Variants in ADGRL3 observed in about 807,000 individuals in gnomAD.
The protein encoded by ADGRL3 is calcium-independent alpha-latrotoxin receptor 3.
Under a neutral mutation model 153.5 loss-of-function variants are expected in ADGRL3, and 62 were observed. That is an observed-to-expected ratio of 0.40 (90% CI 0.33 to 0.50). The LOEUF (loss-of-function observed/expected upper bound fraction) is 0.50. ADGRL3 is among the 20% of genes least tolerant of loss of function. The pLI is 0.47. For missense variants in ADGRL3, 1,641 were observed against 1,859.4 expected, an observed-to-expected ratio of 0.88 and a Z score of 2.16; for synonymous variants, 710 against 672.5, an observed-to-expected ratio of 1.06 and a Z score of -0.86.
intron 6 of ADGRL3, among the ~76,000 whole-genome samples, chr4:61,721,306 C>T (rs2096240424): frequency 6.6e-6 from 1 of 152,144 alleles, no homozygotes; most frequent in South Asian, 2.1e-4. Flanking sequence ...GGGAAGCTGA[C>T]AGTGTAGCCT....
chr4:61,511,408 T>G (rs1036799735), intron 3 of ADGRL3, among the ~76,000 whole-genome samples: 1 of 152,182 alleles, frequency 6.6e-6, no homozygotes, highest in East Asian at 1.9e-4. Context: ...TTTTGTATGC[T>G]GATTGTATAC....
At position 62,077,655 on chromosome 4, in the gene ADGRL3, T is replaced by C. The variant is rs1747575917; in HGVS notation, c.*6747T>C. ...CTAATTAGTGCCTAGTCCTCTGGAGTATTTTTTAATGCCCTGAATTTCAAG... is the reference window on the plus strand; with the variant it reads ...CTAATTAGTGCCTAGTCCTCTGGAGCATTTTTTAATGCCCTGAATTTCAAG... On this transcript the variant is annotated 3_prime_UTR_variant, in exon 27 of 27. Transcript: ENST00000683033. 6.6e-6 allele frequency: 1 copy of C among 151,872 alleles called. No individual in the cohort carries two copies. The highest frequency in any genetic ancestry group is 1.5e-5 in the Non-Finnish European group (1 of 67,862). 9.4% of individuals were successfully genotyped at this position (151,872 alleles called of 1,614,324 possible).
intron 5 of ADGRL3, among the ~76,000 whole-genome samples, chr4:61,602,727 A>C (rs1000414530): frequency 6.6e-6 from 1 of 152,142 alleles, no homozygotes; most frequent in Non-Finnish European, 1.5e-5. Flanking sequence ...AATCAAAACT[A>C]TCCATCCCTT....
Position 62,073,263 on chromosome 4 carries a change from C to T in ADGRL3, c.*2355C>T, listed in dbSNP as rs1190057026. The T allele has an allele frequency of 6.6e-6, 1 of 152,078 alleles. No homozygotes were observed. Among genetic ancestry groups the T allele is most frequent in the African/African-American group, 2.4e-5 (1 of 41,414 alleles). 9.4% of individuals were successfully genotyped at this position (152,078 alleles called of 1,614,324 possible). A position where few individuals can be genotyped will look rare whatever the true frequency, so the allele number is the denominator to read the frequency against. On this transcript the variant is annotated 3_prime_UTR_variant, in exon 27 of 27. Transcript: ENST00000683033. ...GAGTGCATCATAACCTTCACATCAC[C>T]TCAAAATATTTTATGTCTCATTCTT... is the stretch of plus-strand genomic sequence containing the variant.
intron 2 of ADGRL3, among the ~76,000 whole-genome samples, chr4:61,444,024 G>A (rs1287058003): frequency 6.6e-6 from 1 of 152,106 alleles, no homozygotes; most frequent in African/African-American, 2.4e-5. Context: ...TGACAGGAAT[G>A]TATTTATATT....
intron 17 of ADGRL3, among the ~76,000 whole-genome samples, chr4:61,971,965 G>A (rs981707827): frequency 1.3e-5 from 2 of 152,094 alleles, no homozygotes; most frequent in African/African-American, 4.8e-5. Flanking sequence ...CTTTTGAGAA[G>A]TATCTGTTCA....
intron 19 of ADGRL3, among the ~76,000 whole-genome samples, chr4:61,985,457 G>A (rs1163556519): frequency 6.6e-6 from 1 of 152,008 alleles, no homozygotes; most frequent in African/African-American, 2.4e-5. Context: ...ATGTGCTAAG[G>A]AGCCAATTAG....
chr4:61,929,980 C>T (rs531432625), intron 13 of ADGRL3, among the ~76,000 whole-genome samples: 55 of 152,154 alleles, frequency 3.6e-4, no homozygotes, highest in African/African-American at 1.3e-3. Flanking sequence ...TTGAGACCAT[C>T]CTGGCTAACA....
intron 9 of ADGRL3, among the ~76,000 whole-genome samples, chr4:61,871,113 C>CG (rs1468711490): frequency 7.3e-6 from 1 of 137,370 alleles, no homozygotes; most frequent in Non-Finnish European, 1.5e-5. Context: ...CCCGTCTCTA[C>CG]TAAAAATACA....
intron 1 of ADGRL3, among the ~76,000 whole-genome samples, chr4:61,322,253 G>T (rs1397862442): frequency 6.6e-6 from 1 of 152,110 alleles, no homozygotes; most frequent in Non-Finnish European, 1.5e-5. Context: ...ATCTCCCAAC[G>T]GGTCCCTGCC....
chr4:62,022,026 T>G (rs886713084), intron 21 of ADGRL3, among the ~76,000 whole-genome samples: 1 of 152,200 alleles, frequency 6.6e-6, no homozygotes, highest in African/African-American at 2.4e-5. Flanking sequence ...GAGGAAGGCA[T>G]GTCGAAAGCT....
At chr4:61,900,131 T>C (rs932927650) in intron 11 of ADGRL3, among the ~76,000 whole-genome samples, 4 of 152,260 alleles carry the variant, frequency 2.6e-5, no homozygotes, top group African/African-American at 9.6e-5. Flanking sequence ...CGTTTCCCCA[T>C]CTGTAAAATG....
intron 5 of ADGRL3, among the ~76,000 whole-genome samples, chr4:61,593,692 T>C (rs916800319): frequency 1.3e-5 from 2 of 152,180 alleles, no homozygotes; most frequent in African/African-American, 4.8e-5. Context: ...TTTTTTGTTT[T>C]GTTTCGGTTT....
intron 8 of ADGRL3, among the ~76,000 whole-genome samples, chr4:61,756,000 C>A (rs1419553674): frequency 6.6e-6 from 1 of 152,058 alleles, no homozygotes; most frequent in African/African-American, 2.4e-5. Context: ...GGTACCAGTA[C>A]CATGCTGTTT....
chr4:61,261,980 GT>G (rs2092554233), intron 1 of ADGRL3, among the ~76,000 whole-genome samples: 1 of 143,880 alleles, frequency 7.0e-6, no homozygotes, highest in Non-Finnish European at 1.5e-5. Flanking sequence ...AGTTAGAGAT[GT>G]TTGGGAACGA....
chr4:61,833,900 G>A (rs1392510528), intron 9 of ADGRL3, among the ~76,000 whole-genome samples: 2 of 151,822 alleles, frequency 1.3e-5, no homozygotes, highest in Non-Finnish European at 2.9e-5. Flanking sequence ...AAGCAAGATG[G>A]AGTTGATTAG....
intron 8 of ADGRL3, among the ~76,000 whole-genome samples, chr4:61,788,320 T>A (rs1220840921): frequency 6.6e-6 from 1 of 152,136 alleles, no homozygotes; most frequent in Non-Finnish European, 1.5e-5. Context: ...GGTACTGGTA[T>A]CCATGCCTGA....
chr4:61,965,574 C>A (rs966009631), intron 17 of ADGRL3, among the ~76,000 whole-genome samples: 2 of 151,668 alleles, frequency 1.3e-5, no homozygotes, highest in African/African-American at 2.4e-5. Flanking sequence ...ATGGTGAAAC[C>A]CCATCTCTAC....
intron 1 of ADGRL3, among the ~76,000 whole-genome samples, chr4:61,370,368 G>C (rs1402160328): frequency 3.3e-5 from 5 of 151,360 alleles, no homozygotes; most frequent in Non-Finnish European, 7.4e-5. Context: ...TGGGCATGTA[G>C]TGCTATAAAT....
Sources: gnomAD v4.1 joint callset for allele counts (sites outside exome capture counted in the v4.1 genomes callset) on GRCh38, gnomAD v4.1.1 for gene constraint, MANE v1.5 for transcripts, NCBI Gene and HGNC (gene_info 2026-07-23, HGNC 2026-07-21) for gene names.